The following BLK variants were observed in gnomAD, a reference collection of about 807,000 sequenced individuals.
BLK encodes BLK proto-oncogene, Src family tyrosine kinase.
Under a neutral mutation model 61.8 loss-of-function variants are expected in BLK, and 64 were observed. The observed-to-expected ratio is 1.03, with a 90% CI of 0.85 to 1.27. The LOEUF (loss-of-function observed/expected upper bound fraction) is 1.27, where lower values mean the gene tolerates loss of function less well. BLK is among the 50% of genes most tolerant of loss of function. BLK has a pLI of 0.00. For missense variants in BLK, 853 were observed against 660.5 expected, an observed-to-expected ratio of 1.29 and a Z score of -3.19; for synonymous variants, 351 against 272.0, an observed-to-expected ratio of 1.29 and a Z score of -2.86.
intron 1 of BLK, among the ~76,000 whole-genome samples, chr8:11,522,216 G>T (rs1229986291): frequency 1.3e-5 from 2 of 151,990 alleles, no homozygotes; most frequent in African/African-American, 4.8e-5. Flanking sequence ...TTTCTAAATG[G>T]TCAAAATATA....
intron 2 of BLK, among the ~76,000 whole-genome samples, chr8:11,544,566 A>T (rs1800535614): frequency 6.6e-6 from 1 of 152,188 alleles, no homozygotes; most frequent in African/African-American, 2.4e-5. Context: ...TTGGACTTAG[A>T]CTGATTGAGT....
In BLK at chr8:11,554,802, A is replaced by G. The variant is rs1764966075; in HGVS notation, c.532A>G (p.Lys178Glu). The G allele has an allele frequency of 1.2e-6, 2 of 1,614,080 alleles. No homozygotes were observed. The highest frequency in any genetic ancestry group is 1.7e-6 in the Non-Finnish European group (2 of 1,180,018). Residue 178 changes from lysine (K) to glutamate (E), a missense_variant, in exon 7 of 13, where the codon AAG (lysine) becomes GAG (glutamate). Lys to Glu is a moderately conservative substitution (Grantham distance 56, BLOSUM62 1). Transcript: ENST00000259089. Reference sequence around the variant, plus strand: ...CCAGGGGGAGCTGATCAAGCACTATAAGATCCGCTGCCTGGATGAAGGGGG... The same window carrying G: ...CCAGGGGGAGCTGATCAAGCACTATGAGATCCGCTGCCTGGATGAAGGGGG... ...TTQGELIKHY[K>E]IRCLDEGGYY...
At chr8:11,557,928 T>C in intron 9 of BLK, 34 bp from the exon 10 acceptor site, 2 of 1,607,632 alleles carry the variant, frequency 1.2e-6, no homozygotes, top group Non-Finnish European at 1.7e-6. Context: ...CGGGTCACTT[T>C]GCAGAAGGGC....
intron 4 of BLK, among the ~76,000 whole-genome samples, 167 bp downstream of exon 4, chr8:11,548,292 T>C (rs1380967920): frequency 1.3e-5 from 2 of 152,144 alleles, no homozygotes; most frequent in African/African-American, 4.8e-5. Context: ...TTTGTCTTCC[T>C]CTCCAAAATC....
At chr8:11,523,843 T>G (rs1239835695) in intron 1 of BLK, among the ~76,000 whole-genome samples, 3 of 151,944 alleles carry the variant, frequency 2.0e-5, no homozygotes, top group East Asian at 1.9e-4. Context: ...AGAGTTGTTT[T>G]TTTTTTTTTT....
At chr8:11,530,295 A>G (rs1415351468) in intron 1 of BLK, among the ~76,000 whole-genome samples, 2 of 152,194 alleles carry the variant, frequency 1.3e-5, no homozygotes, top group African/African-American at 4.8e-5. Context: ...TGAGGTCCCA[A>G]CAAAGCTTGG....
At chr8:11,540,995 A>G (rs4366049) in intron 1 of BLK, among the ~76,000 whole-genome samples, 64,724 of 152,094 alleles carry the variant, frequency 0.43, 14,603 homozygotes, top group East Asian at 0.75. Context: ...GCCGAGTGTG[A>G]TGGCTGACAC....
intron 6 of BLK, among the ~76,000 whole-genome samples, chr8:11,552,075 G>A (rs950082252): frequency 3.9e-5 from 6 of 152,206 alleles, no homozygotes; most frequent in African/African-American, 7.2e-5. Flanking sequence ...GAGAGAGAGT[G>A]TCTGGAATAT....
chr8:11,543,141 G>C (rs80167929), intron 1 of BLK, 83 bp from the exon 2 acceptor site: 6 of 1,605,264 alleles, frequency 3.7e-6, no homozygotes, highest in Non-Finnish European at 5.1e-6. Context: ...CCAGCCTCCC[G>C]GAAGGGGCCA....
chr8:11,535,248 G>A (rs977260330), intron 1 of BLK, among the ~76,000 whole-genome samples: 1 of 94,102 alleles, frequency 1.1e-5, no homozygotes, highest in Admixed American at 1.2e-4. Flanking sequence ...AAGAAGGAAA[G>A]GAAAGAAAGA....
rs912682280 is a variant in BLK, at chr8:11,539,779, G to C, written c.-1-3445G>C. On this transcript the variant is annotated intron_variant, in intron 1 of 12. Transcript: ENST00000259089. ...TCACAGAAGATTAATCCTAGAAATG[G>C]AGCGTGAAGGAACAAATGAAACAAT... 2.6e-5 allele frequency among the ~76,000 whole-genome samples: 4 copies of C among 152,166 alleles called. No homozygotes were observed. The East Asian group carries it at 7.7e-4, about 29-fold the overall frequency.
chr8:11,513,980 G>A (rs925898285), intron 1 of BLK, among the ~76,000 whole-genome samples: 1 of 152,108 alleles, frequency 6.6e-6, no homozygotes, highest in African/African-American at 2.4e-5. Context: ...GAAATGTTTG[G>A]GGCATTTTAT....
At chr8:11,500,580 A>G (rs1326316845) in intron 1 of BLK, among the ~76,000 whole-genome samples, 4 of 150,768 alleles carry the variant, frequency 2.7e-5, no homozygotes, top group African/African-American at 9.8e-5. Context: ...CAGTGGTGTA[A>G]TCATGGCTCA....
Position 11,543,360 on chromosome 8 carries a change from C to T in BLK, c.123+13C>T, listed in dbSNP as rs375105119. ...ACTGCCGCCCCTGGTGAGTGATTGCCCACCCCCACCAAGAGCAGATTACTT... is the reference window on the plus strand; with the variant it reads ...ACTGCCGCCCCTGGTGAGTGATTGCTCACCCCCACCAAGAGCAGATTACTT... On this transcript the variant is annotated intron_variant, in intron 2 of 12. Coordinates refer to ENST00000259089, the MANE Select transcript of BLK (RefSeq NM_001715.3). 3.5e-5 allele frequency: 57 copies of T among 1,612,006 alleles called. No individual in the cohort carries two copies. The highest frequency in any genetic ancestry group is 4.6e-5 in the Non-Finnish European group (54 of 1,179,978).
chr8:11,561,694 C>T (rs1293589349), intron 11 of BLK, among the ~76,000 whole-genome samples: 1 of 152,192 alleles, frequency 6.6e-6, no homozygotes, highest in Non-Finnish European at 1.5e-5. Flanking sequence ...AACAGCAGTC[C>T]ACCCTACTCC....
At chr8:11,545,834 G>T in intron 2 of BLK, 1 of 611,706 alleles carries the variant, frequency 1.6e-6, no homozygotes, top group Non-Finnish European at 3.0e-6. Context: ...ATCCCCCAGC[G>T]CGGTCAGGGC....
Position 11,547,927 on chromosome 8 carries a change from C to G in BLK, c.176-105C>G, listed in dbSNP as rs1297443696. The stretch of plus-strand genomic sequence containing the variant: ...TGCTGGGTGAGAACATCATTTCCAT[C>G]GTGGGCAAGCAGAAGCCTGTCCTCC... On this transcript the variant is annotated intron_variant, in intron 3 of 12. Transcript: ENST00000259089. 6.1e-6 allele frequency: 6 copies of G among 989,614 alleles called. No individual in the cohort carries two copies. The Admixed American group carries it at 8.8e-5, about 15-fold the overall frequency. The allele number at this position is 989,614 out of a possible 1,614,324, so 61.3% of individuals were successfully genotyped here.
chr8:11,506,844 C>T (rs955674910), intron 1 of BLK, among the ~76,000 whole-genome samples: 6 of 152,216 alleles, frequency 3.9e-5, no homozygotes, highest in African/African-American at 9.6e-5. Context: ...GTGGGACTCT[C>T]AGGGAGGCCA....
At chr8:11,539,695 T>C (rs908356055) in intron 1 of BLK, among the ~76,000 whole-genome samples, 1 of 152,180 alleles carries the variant, frequency 6.6e-6, no homozygotes, top group Admixed American at 6.6e-5. Flanking sequence ...CCACACTCTG[T>C]GCCAGACATT....
Sources: allele counts gnomAD v4.1 joint callset (sites outside exome capture counted in the v4.1 genomes callset), GRCh38; gene constraint gnomAD v4.1.1; transcripts MANE v1.5; gene names NCBI Gene and HGNC (gene_info 2026-07-23, HGNC 2026-07-21).